Variants in NXN observed in about 807,000 individuals in gnomAD.
The protein encoded by NXN is nucleoredoxin 1.
A neutral mutation model predicts 48.6 loss-of-function variants in NXN; 16 were observed. The ratio of observed to expected loss-of-function variants is 0.33; its 90% CI spans 0.22 to 0.50. NXN has a LOEUF of 0.50. Ranked by LOEUF, NXN falls within the 20% of genes least tolerant of loss-of-function variation. The pLI is 0.98. For synonymous variants in NXN, 281 were observed against 269.6 expected, an observed-to-expected ratio of 1.04 and a Z score of -0.41; for missense variants, 492 against 605.5, an observed-to-expected ratio of 0.81 and a Z score of 1.97.
At chr17:851,300 C>T (rs1240772236) in intron 1 of NXN, among the ~76,000 whole-genome samples, 18 of 152,276 alleles carry the variant, frequency 1.2e-4, no homozygotes, top group Admixed American at 1.2e-3. Flanking sequence ...AATGAAGACG[C>T]CAGGACAAAA....
chr17:872,589 T>C (rs954292126), intron 1 of NXN, among the ~76,000 whole-genome samples: 4 of 150,898 alleles, frequency 2.7e-5, no homozygotes, highest in Non-Finnish European at 4.4e-5. Context: ...TGAGTGTGTC[T>C]GTGACTATGT....
chr17:881,574 T>TGAACCGTTTG (rs2068284786), intron 1 of NXN, among the ~76,000 whole-genome samples: 1 of 152,172 alleles, frequency 6.6e-6, no homozygotes, highest in Non-Finnish European at 1.5e-5. Flanking sequence ...TGAAGGTAAA[T>TGAACCGTTTG]GTTCATTTAC....
Position 920,942 on chromosome 17 carries a change from T to A in NXN, c.360+58377A>T, listed in dbSNP as rs373427187. ...TTTGCCATGTTAGCCAGGCTGGTCT[T>A]GAACTCCTGACCTCAAGTGATCCTC... is the stretch of plus-strand genomic sequence containing the variant. On this transcript the variant is annotated intron_variant, in intron 1 of 7. Transcript: ENST00000336868. This position sits in a 1 kb window ranked among gnomAD's most constrained non-coding sequence, Gnocchi z 4.6. Among the ~76,000 whole-genome samples the A allele has an allele frequency of 5.5e-4, 83 of 152,162 alleles. No homozygotes were observed. The highest frequency in any genetic ancestry group is 2.0e-3 in the African/African-American group (81 of 41,520).
At chr17:936,969 G>A (rs1427379702) in intron 1 of NXN, among the ~76,000 whole-genome samples, 1 of 151,978 alleles carries the variant, frequency 6.6e-6, no homozygotes, top group Non-Finnish European at 1.5e-5. Context: ...TTGGGAGGCT[G>A]AGGTGGGAGG....
intron 1 of NXN, among the ~76,000 whole-genome samples, chr17:965,527 C>G (rs1042633760): frequency 6.6e-6 from 1 of 152,074 alleles, no homozygotes; most frequent in Non-Finnish European, 1.5e-5. Context: ...CTGATCACAC[C>G]GAGGAGTGTG....
Position 958,643 on chromosome 17 carries a change from C to CAT in NXN, c.360+20675_360+20676insAT, listed in dbSNP as rs1567519648. ...AAAATTAGCCAGGCGTGGTGGCGTG[C>CAT]GCCTGTAGTCCCAGCTACTCAGGAG... On this transcript the variant is annotated intron_variant, in intron 1 of 7. Transcript: ENST00000336868. This position sits in a 1 kb window ranked among gnomAD's most constrained non-coding sequence, Gnocchi z 6.9. 2.0e-5 allele frequency among the ~76,000 whole-genome samples: 3 copies of CAT among 152,098 alleles called. No homozygotes were observed. The highest frequency in any genetic ancestry group is 4.4e-5 in the Non-Finnish European group (3 of 68,046).
At chr17:926,349 G>A (rs781299664) in intron 1 of NXN, among the ~76,000 whole-genome samples, 13 of 151,774 alleles carry the variant, frequency 8.6e-5, no homozygotes, top group Non-Finnish European at 1.6e-4. Context: ...ACTACACCCG[G>A]CTAATTTTTT....
chr17:816,233 GTC>G (rs1265733209), intron 5 of NXN, among the ~76,000 whole-genome samples: 1 of 152,126 alleles, frequency 6.6e-6, no homozygotes, highest in African/African-American at 2.4e-5. Context: ...TTAACACAGA[GTC>G]GTTCTGGGGA....
At chr17:944,358 C>T (rs2069019048) in intron 1 of NXN, among the ~76,000 whole-genome samples, 1 of 152,208 alleles carries the variant, frequency 6.6e-6, no homozygotes. Context: ...GCCCCAAACT[C>T]CAAGATCAAA....
chr17:836,030 C>G (rs1414231405), intron 1 of NXN, among the ~76,000 whole-genome samples: 1 of 94,414 alleles, frequency 1.1e-5, no homozygotes, highest in African/African-American at 5.0e-5. Flanking sequence ...CCACAGAGGC[C>G]GCAGGGGAAA....
intron 1 of NXN, among the ~76,000 whole-genome samples, chr17:907,066 T>C (rs1355430034): frequency 6.6e-6 from 1 of 150,664 alleles, no homozygotes; most frequent in East Asian, 2.0e-4. Flanking sequence ...ACAGTTACCA[T>C]GTCAGAAGCT....
intron 4 of NXN, among the ~76,000 whole-genome samples, chr17:821,769 A>G (rs1362954008): frequency 6.6e-6 from 1 of 151,758 alleles, no homozygotes; most frequent in Non-Finnish European, 1.5e-5. Context: ...CCCAAAAAAC[A>G]AAAAACAGCC....
intron 5 of NXN, among the ~76,000 whole-genome samples, chr17:812,649 T>C (rs896513072): frequency 2.7e-5 from 4 of 146,626 alleles, no homozygotes; most frequent in Non-Finnish European, 6.1e-5. Flanking sequence ...TGAGTGTGCA[T>C]GTGTGTGACT....
chr17:956,614 C>T lies in NXN; in HGVS notation c.360+22705G>A, dbSNP rs1037536925. On this transcript the variant is annotated intron_variant, in intron 1 of 7. Transcript: ENST00000336868. The surrounding 1 kb of genome is among the most constrained non-coding windows in gnomAD (Gnocchi z 4.1). ...ATTTTTAGTAGCAATGGGGTTTCACCGTGTTAGCCAGGATGGTCTCGATCT... is the reference window on the plus strand; with the variant it reads ...ATTTTTAGTAGCAATGGGGTTTCACTGTGTTAGCCAGGATGGTCTCGATCT... Among the ~76,000 whole-genome samples the T allele has an allele frequency of 6.6e-6, 1 of 152,094 alleles. No individual in the cohort carries two copies. Among genetic ancestry groups the T allele is most frequent in the Non-Finnish European group, 1.5e-5 (1 of 68,028 alleles).
intron 1 of NXN, among the ~76,000 whole-genome samples, chr17:841,393 C>CCACA (rs1914185728): frequency 2.4e-5 from 2 of 84,264 alleles, no homozygotes; most frequent in Non-Finnish European, 4.8e-5. Context: ...CATCTCACGC[C>CCACA]GGCGAGCAGG....
intron 1 of NXN, among the ~76,000 whole-genome samples, chr17:928,558 G>A (rs2068823578): frequency 6.6e-6 from 1 of 152,202 alleles, no homozygotes; most frequent in Admixed American, 6.6e-5. Flanking sequence ...CTGGAAGGTT[G>A]GGCGCGGTGG....
chr17:868,481 G>T (rs977066220), intron 1 of NXN, among the ~76,000 whole-genome samples: 62 of 151,796 alleles, frequency 4.1e-4, no homozygotes, highest in Middle Eastern at 3.4e-3. Context: ...TTTTTTTTTG[G>T]TTTTTTGTTT....
intron 1 of NXN, among the ~76,000 whole-genome samples, chr17:934,413 T>C (rs1296912447): frequency 1.3e-5 from 2 of 149,702 alleles, no homozygotes; most frequent in Non-Finnish European, 3.0e-5. Context: ...ACCACTGCAC[T>C]CTAGCCTGGG....
chr17:936,079 A>G lies in NXN; in HGVS notation c.360+43240T>C, dbSNP rs62067224. Among the ~76,000 whole-genome samples the G allele has an allele frequency of 7.7e-3, 1,044 of 135,750 alleles. 13 individuals carry two copies. Among genetic ancestry groups the G allele is most frequent in the South Asian group, 0.019 (71 of 3,812 alleles). The allele number at this position is 135,750 out of a possible 152,430, so 89.1% of individuals were successfully genotyped here. A position where few individuals can be genotyped will look rare whatever the true frequency, so the allele number is the denominator to read the frequency against. On this transcript the variant is annotated intron_variant, in intron 1 of 7. Transcript: ENST00000336868. ...TGCACTCCAGCCTGGGCAACAGGGC[A>G]AGATTCCATCTCAAAAAAAAAAAAA...
Sources: allele counts gnomAD v4.1 joint callset (sites outside exome capture counted in the v4.1 genomes callset), GRCh38; gene constraint gnomAD v4.1.1; non-coding constraint Gnocchi (gnomAD v3.1); transcripts MANE v1.5; gene names NCBI Gene and HGNC (gene_info 2026-07-23, HGNC 2026-07-21).